DDX46: variants seen among roughly 807,000 people sequenced by gnomAD.
DDX46 encodes the protein probable ATP-dependent RNA helicase DDX46.
DDX46 carries 30 observed loss-of-function variants against 134.9 expected under a neutral mutation model. That is an observed-to-expected ratio of 0.22 (90% CI 0.17 to 0.30). The LOEUF (loss-of-function observed/expected upper bound fraction) is 0.30. DDX46 is among the 10% of genes least tolerant of loss of function. DDX46 has a pLI of 1.00. For synonymous variants in DDX46, 415 were observed against 404.1 expected (o/e 1.03, Z -0.32); for missense variants, 622 against 1,248.7 (o/e 0.50, Z 7.56).
intron 16 of DDX46, among the ~76,000 whole-genome samples, chr5:134,810,974 C>T (rs1580813143): frequency 1.3e-5 from 2 of 151,886 alleles, no homozygotes; most frequent in Non-Finnish European, 2.9e-5. Context: ...CCACTGCACT[C>T]CAGCCTGGGC....
chr5:134,822,212 A>G (rs932248175), intron 21 of DDX46, among the ~76,000 whole-genome samples: 1 of 152,090 alleles, frequency 6.6e-6, no homozygotes, highest in Non-Finnish European at 1.5e-5. Flanking sequence ...AGTGGATTGC[A>G]ATTAATATCT....
Position 134,777,708 on chromosome 5 carries a change from G to C in DDX46, c.748G>C (p.Gly250Arg). The change falls in exon 6 of 23, where the codon GGT becomes CGT. Residue 250 changes from glycine (G) to arginine (R), a missense_variant. Gly to Arg is a moderately radical substitution (Grantham distance 125, BLOSUM62 -2). Around this residue, in one of 8 missense-constraint regions of DDX46, gnomAD observed 244 missense variants for 349.3 expected, o/e 0.70. Coordinates refer to ENST00000452510, the MANE Select transcript of DDX46 (RefSeq NM_001300860.2). ...KKFNMRSVKG[G>R]GGNEKKSGPT... Reference sequence around the variant, plus strand: ...ATTTAACATGAGAAGTGTAAAAGGTGGTGGGGGAAATGAAAAGGTATGGAA... The same window carrying C: ...ATTTAACATGAGAAGTGTAAAAGGTCGTGGGGGAAATGAAAAGGTATGGAA... The C allele has an allele frequency of 6.2e-7, 1 of 1,602,038 alleles. No individual in the cohort carries two copies. The highest frequency in any genetic ancestry group is 1.1e-5 in the South Asian group (1 of 89,042).
intron 15 of DDX46, among the ~76,000 whole-genome samples, chr5:134,801,552 C>T (rs1364681299): frequency 6.6e-6 from 1 of 152,092 alleles, no homozygotes; most frequent in Non-Finnish European, 1.5e-5. Flanking sequence ...AATGTGCCAC[C>T]ATGCCCAACT....
rs1365417805 is a variant in DDX46 at position 134,830,180 on chromosome 5, AAAAAG to A, written c.*1479_*1483del. Reference sequence around the variant, plus strand: ...ACAGATCAAAAATAGAAAAAAAAAAAAAAAGAAAAAAAGAATGTAAAATTTTAAAA... The same window carrying A: ...ACAGATCAAAAATAGAAAAAAAAAAAAAAAAAAGAATGTAAAATTTTAAAA... On this transcript the variant is annotated 3_prime_UTR_variant, in exon 23 of 23. Coordinates refer to ENST00000452510, the MANE Select transcript of DDX46 (RefSeq NM_001300860.2). 1 of 151,586 alleles carries A rather than the reference AAAAAG, an allele frequency of 6.6e-6. No homozygotes were observed. Among genetic ancestry groups the A allele is most frequent in the Non-Finnish European group, 1.5e-5 (1 of 67,874 alleles). The allele number at this position is 151,586 out of a possible 1,614,324, so 9.4% of individuals were successfully genotyped here.
chr5:134,820,482 C>T (rs570614512), intron 21 of DDX46, among the ~76,000 whole-genome samples: 11 of 152,270 alleles, frequency 7.2e-5, no homozygotes, highest in African/African-American at 2.6e-4. Context: ...TGTGCCTCAG[C>T]CTCCTGGGTA....
intron 15 of DDX46, chr5:134,797,187 A>AAAAAC (rs1561865681): frequency 1.0e-5 from 3 of 292,278 alleles, no homozygotes; most frequent in African/African-American, 7.0e-5. Context: ...AAAAAAAAAA[A>AAAAAC]AAAAAAAAAA....
intron 4 of DDX46, 53 bp downstream of exon 4, chr5:134,771,052 C>A (rs1753750927): frequency 8.5e-6 from 6 of 705,060 alleles, no homozygotes; most frequent in Non-Finnish European, 1.2e-5. Flanking sequence ...GTCTTTCTTT[C>A]TTTCTTTTCT....
Position 134,785,535 on chromosome 5 carries a change from T to C in DDX46, c.1413T>C (p.Thr471=). The change falls in exon 11 of 23, where the codon ACT becomes ACC. Residue 471 remains threonine, a synonymous_variant. Transcript: ENST00000452510. ...AAGAGTGTAAGAAGTTTTCCAAGACTTTGGGACTTAGAGTGGTCTGTGTTT... is the reference window on the plus strand; with the variant it reads ...AAGAGTGTAAGAAGTTTTCCAAGACCTTGGGACTTAGAGTGGTCTGTGTTT... ...ITKECKKFSK[T]LGLRVVCVYG... The C allele has an allele frequency of 1.2e-6, 2 of 1,613,930 alleles. No individual in the cohort carries two copies. Among genetic ancestry groups the C allele is most frequent in the Non-Finnish European group, 1.7e-6 (2 of 1,179,912 alleles).
intron 20 of DDX46, 74 bp from the exon 21 acceptor site, chr5:134,818,786 A>G: frequency 7.5e-7 from 1 of 1,336,292 alleles, no homozygotes; most frequent in South Asian, 1.4e-5. Flanking sequence ...CAGCCAGCCT[A>G]GTCTTTGTCA....
At chr5:134,827,631 G>A (rs1322704819) in intron 22 of DDX46, among the ~76,000 whole-genome samples, 1 of 152,118 alleles carries the variant, frequency 6.6e-6, no homozygotes, top group African/African-American at 2.4e-5. Context: ...CTCCACATAA[G>A]TGTAATCATG....
intron 1 of DDX46, among the ~76,000 whole-genome samples, chr5:134,759,639 A>G (rs1022630806): frequency 3.9e-5 from 6 of 152,164 alleles, no homozygotes; most frequent in African/African-American, 9.7e-5. Flanking sequence ...AAAAATGACT[A>G]TTTGCTATGT....
At chr5:134,779,796 T>C (rs1754075910) in intron 6 of DDX46, among the ~76,000 whole-genome samples, 1 of 152,148 alleles carries the variant, frequency 6.6e-6, no homozygotes, top group Non-Finnish European at 1.5e-5. Context: ...AGCCTAGTAG[T>C]AGTTTAAAAA....
Position 134,763,987 on chromosome 5 carries a change from G to A in DDX46, c.101G>A (p.Arg34His). The change falls in exon 2 of 23, where the codon CGT (arginine) becomes CAT (histidine). Residue 34 changes from arginine (R) to histidine (H), a missense_variant. By Grantham distance (29) the Arg-to-His change is conservative. Around this residue, in one of 8 missense-constraint regions of DDX46, gnomAD observed 244 missense variants for 349.3 expected, o/e 0.70. Coordinates refer to ENST00000452510, the MANE Select transcript of DDX46 (RefSeq NM_001300860.2). Reference protein sequence around the residue: ...SRSPSDKRSKRGDDRRSRSRD... With the variant: ...SRSPSDKRSKHGDDRRSRSRD... ...TCACCCTCAGACAAAAGAAGTAAAC[G>A]TGGAGATGACAGACGGTCTAGAAGT... The A allele has an allele frequency of 1.9e-6, 3 of 1,614,214 alleles. No individual in the cohort carries two copies. Among genetic ancestry groups the A allele is most frequent in the Non-Finnish European group, 2.5e-6 (3 of 1,180,038 alleles).
In DDX46 at chr5:134,773,693, A is replaced by G; in HGVS notation, c.448-3A>G. The G allele has an allele frequency of 6.3e-7, 1 of 1,584,046 alleles. No homozygotes were observed. Among genetic ancestry groups the G allele is most frequent in the Non-Finnish European group, 8.6e-7 (1 of 1,168,464 alleles). ...ATCTCTTTCTTTCTTTTATTCCCCC[A>G]AGAACTTTGACCAGAATAAGCTGGA... On this transcript the variant is annotated splice_polypyrimidine_tract_variant and splice_region_variant and intron_variant, in intron 4 of 22. Coordinates refer to ENST00000452510, the MANE Select transcript of DDX46 (RefSeq NM_001300860.2).
chr5:134,804,780 A>G, intron 15 of DDX46: 1 of 354,174 alleles, frequency 2.8e-6, no homozygotes. Flanking sequence ...TTTAAAATTT[A>G]GCTCTCTGAC....
At chr5:134,806,856 G>A (rs1026815299) in intron 15 of DDX46, among the ~76,000 whole-genome samples, 1 of 152,014 alleles carries the variant, frequency 6.6e-6, no homozygotes, top group East Asian at 1.9e-4. Flanking sequence ...TGTCGTAATA[G>A]AACTTTATGG....
rs190285944 is a variant in DDX46 at position 134,766,510 on chromosome 5, C to T, written c.207-407C>T. Among the ~76,000 whole-genome samples the T allele has an allele frequency of 1.9e-3, 294 of 151,042 alleles. 2 individuals are homozygous for T. The East Asian group carries it at 0.023, about 12-fold the overall frequency. Reference sequence around the variant, plus strand: ...TGGAGGTTGTGGTGAGCTGAGATTGCGCCATTGCACTCCAGCCTGGGCAAC... The same window carrying T: ...TGGAGGTTGTGGTGAGCTGAGATTGTGCCATTGCACTCCAGCCTGGGCAAC... On this transcript the variant is annotated intron_variant, in intron 2 of 22. Coordinates refer to ENST00000452510, the MANE Select transcript of DDX46 (RefSeq NM_001300860.2).
intron 11 of DDX46, 75 bp downstream of exon 11, chr5:134,785,661 T>C: frequency 6.7e-7 from 1 of 1,499,566 alleles, no homozygotes; most frequent in Non-Finnish European, 8.9e-7. Flanking sequence ...AAAGTGACTT[T>C]TACTTTTAGT....
At chr5:134,807,275 C>G (rs1755020256) in intron 15 of DDX46, among the ~76,000 whole-genome samples, 1 of 151,404 alleles carries the variant, frequency 6.6e-6, no homozygotes, top group Non-Finnish European at 1.5e-5. Context: ...CCGCCTCGGC[C>G]TCTCAAAGTG....
Sources: gnomAD v4.1 joint callset for allele counts (sites outside exome capture counted in the v4.1 genomes callset) on GRCh38, gnomAD v4.1.1 for gene constraint, gnomAD v4.1.1 regional missense constraint, MANE v1.5 for transcripts, NCBI Gene and HGNC (gene_info 2026-07-23, HGNC 2026-07-21) for gene names.